Variants in PLEKHH2 observed in about 807,000 individuals in gnomAD.
The protein encoded by PLEKHH2 is pleckstrin homology, MyTH4 and FERM domain containing H2.
Under a neutral mutation model 187.9 loss-of-function variants are expected in PLEKHH2, and 129 were observed. That is an observed-to-expected ratio of 0.69 (90% CI 0.59 to 0.79). The LOEUF is 0.79. Among genes scored for constraint, PLEKHH2 ranks in the 30% least tolerant of loss-of-function variants. The pLI, the probability that PLEKHH2 is intolerant of heterozygous loss-of-function variation, is 0.00. For synonymous variants in PLEKHH2, 686 were observed against 605.6 expected (o/e 1.13, Z -1.95); for missense variants, 2,076 against 1,751.2 (o/e 1.19, Z -3.31).
chr2:43,742,811 G>A lies in PLEKHH2; in HGVS notation c.3292G>A (p.Glu1098Lys), dbSNP rs893617023. 6.2e-7 allele frequency: 1 copy of A among 1,607,040 alleles called. No individual in the cohort carries two copies. Among genetic ancestry groups the A allele is most frequent in the East Asian group, 2.3e-5 (1 of 44,290 alleles). Residue 1098 changes from glutamate (E) to lysine (K), a missense_variant, in exon 22 of 30, where the codon GAA becomes AAA. Physicochemically the swap from Glu to Lys is moderately conservative, Grantham distance 56. Transcript: ENST00000282406. The stretch of plus-strand genomic sequence containing the variant: ...AAGAACGCAACAAAATGGTGACAGA[G>A]AAGCAAGACCCTCAAGGATGGAAAT... The part of the protein sequence containing the change: ...VERTQQNGDR[E>K]ARPSRMEILS...
chr2:43,679,615 T>A (rs1382302668), intron 3 of PLEKHH2: 4 of 269,580 alleles, frequency 1.5e-5, no homozygotes, highest in Non-Finnish European at 2.9e-5. Flanking sequence ...CCTGCCTCAA[T>A]CTCCTGAATA....
Position 43,680,978 on chromosome 2 carries a change from G to A in PLEKHH2, c.186+2053G>A, listed in dbSNP as rs117853667. 3.1e-4 allele frequency: 359 copies of A among 1,149,390 alleles called. 5 individuals are homozygous for A. The East Asian group carries it at 7.2e-3, about 23-fold the overall frequency. The allele number at this position is 1,149,390 out of a possible 1,614,324, so 71.2% of individuals were successfully genotyped here. A position where few individuals can be genotyped will look rare whatever the true frequency, so the allele number is the denominator to read the frequency against. ...TACATACACTGGATTTCTAGTTTCC[G>A]TTACTGTTGTTCATATGCCAACTGG... On this transcript the variant is annotated intron_variant, in intron 3 of 29. Transcript: ENST00000282406.
chr2:43,697,581 T>A (rs2104478162), intron 7 of PLEKHH2, among the ~76,000 whole-genome samples: 1 of 152,316 alleles, frequency 6.6e-6, no homozygotes, highest in South Asian at 2.1e-4. Flanking sequence ...CTTCGTAATA[T>A]ATTTTTCCTG....
chr2:43,677,908 GCGGC>G (rs2104422137), intron 2 of PLEKHH2, among the ~76,000 whole-genome samples: 1 of 43,538 alleles, frequency 2.3e-5, no homozygotes, highest in African/African-American at 9.1e-5. Flanking sequence ...CCAGGACGGG[GCGGC>G]TGGCCGGGCG....
chr2:43,649,935 G>A (rs2888878), intron 2 of PLEKHH2, among the ~76,000 whole-genome samples: 97,457 of 151,948 alleles, frequency 0.64, 32,259 homozygotes, highest in African/African-American at 0.77. Flanking sequence ...GAGAGGCTCT[G>A]TAAGTATACA....
At chr2:43,641,861 A>T (rs1183640573) in intron 1 of PLEKHH2, among the ~76,000 whole-genome samples, 1 of 152,198 alleles carries the variant, frequency 6.6e-6, no homozygotes, top group Non-Finnish European at 1.5e-5. Flanking sequence ...TTATGCAAGT[A>T]CCACACTGTG....
intron 24 of PLEKHH2, among the ~76,000 whole-genome samples, chr2:43,749,539 G>C (rs1671924110): frequency 1.3e-5 from 2 of 152,242 alleles, no homozygotes; most frequent in South Asian, 4.1e-4. Flanking sequence ...TTTTAAAAGA[G>C]AGAATTGTGA....
At chr2:43,735,532 T>C (rs1351456146) in intron 19 of PLEKHH2, among the ~76,000 whole-genome samples, 1 of 152,172 alleles carries the variant, frequency 6.6e-6, no homozygotes, top group African/African-American at 2.4e-5. Context: ...CAACTATAGC[T>C]GACAAGGACT....
rs961755743 is a variant in PLEKHH2 at position 43,637,356 on chromosome 2, G to A, written c.-27G>A. ...GCCGGGACATCGGGCGCTGCGGCCG[G>A]GGACCCGCTGCTGAGATAGACAGGT... is the stretch of plus-strand genomic sequence containing the variant. On this transcript the variant is annotated 5_prime_UTR_variant, in exon 1 of 30. Transcript: ENST00000282406. 10 of 152,424 alleles carry A rather than the reference G, an allele frequency of 6.6e-5. No individual in the cohort carries two copies. Among genetic ancestry groups the A allele is most frequent in the Admixed American group, 2.6e-4 (4 of 15,286 alleles). The allele number at this position is 152,424 out of a possible 1,614,324, so 9.4% of individuals were successfully genotyped here. A position where few individuals can be genotyped will look rare whatever the true frequency, so the allele number is the denominator to read the frequency against.
intron 1 of PLEKHH2, among the ~76,000 whole-genome samples, chr2:43,643,602 A>G (rs986146431): frequency 6.6e-6 from 1 of 152,072 alleles, no homozygotes; most frequent in Non-Finnish European, 1.5e-5. Context: ...TTTAGAAAAC[A>G]AAAGAATAGA....
chr2:43,694,496 A>C lies in PLEKHH2; in HGVS notation c.402A>C (p.Val134=), dbSNP rs1384540356. The change falls in exon 5 of 30, where the codon GTA becomes GTC. Residue 134 remains valine, a synonymous_variant. Coordinates refer to ENST00000282406, the MANE Select transcript of PLEKHH2 (RefSeq NM_172069.4). ...AAGCAGCTAAGATAAAAGAATGGGT[A>C]ACAGTTAAGTTAAATGAGGTATTTA... ...EEKAAKIKEW[V]TVKLNELELE... 1 of 1,559,514 alleles carries C rather than the reference A, an allele frequency of 6.4e-7. No homozygotes were observed. Among genetic ancestry groups the C allele is most frequent in the African/African-American group, 1.4e-5 (1 of 73,374 alleles).
chr2:43,748,998 C>G (rs990596475), intron 24 of PLEKHH2, among the ~76,000 whole-genome samples: 1 of 152,222 alleles, frequency 6.6e-6, no homozygotes, highest in African/African-American at 2.4e-5. Context: ...CTCAGGTGAT[C>G]TGCCCGCCTC....
At chr2:43,725,318 T>C (rs1051903338) in intron 16 of PLEKHH2, among the ~76,000 whole-genome samples, 5 of 152,186 alleles carry the variant, frequency 3.3e-5, no homozygotes, top group Non-Finnish European at 4.4e-5. Context: ...TTTTAGCTTC[T>C]CTATCTTAGT....
At chr2:43,734,578 G>C (rs552980500) in intron 19 of PLEKHH2, among the ~76,000 whole-genome samples, 1 of 152,172 alleles carries the variant, frequency 6.6e-6, no homozygotes, top group Non-Finnish European at 1.5e-5. Flanking sequence ...TAAAATGGCT[G>C]TTATCGAAAA....
At chr2:43,670,490 C>T (rs558918786) in intron 2 of PLEKHH2, among the ~76,000 whole-genome samples, 9 of 152,190 alleles carry the variant, frequency 5.9e-5, no homozygotes, top group Non-Finnish European at 8.8e-5. Flanking sequence ...AAATTGATTG[C>T]ATATTTTAAA....
intron 3 of PLEKHH2, among the ~76,000 whole-genome samples, chr2:43,686,724 GATTA>G (rs1206213591): frequency 3.3e-5 from 5 of 152,162 alleles, no homozygotes; most frequent in African/African-American, 2.4e-5. Context: ...TGATTAGAAT[GATTA>G]ATTAATTTGC....
At chr2:43,760,448 C>T (rs907891930) in intron 27 of PLEKHH2, among the ~76,000 whole-genome samples, 17 of 151,092 alleles carry the variant, frequency 1.1e-4, no homozygotes, top group African/African-American at 3.9e-4. Context: ...CTGCAACCTC[C>T]GCCTCCCAGG....
intron 2 of PLEKHH2, among the ~76,000 whole-genome samples, chr2:43,673,025 T>A (rs1364728185): frequency 6.6e-6 from 1 of 152,218 alleles, no homozygotes; most frequent in Non-Finnish European, 1.5e-5. Context: ...TTACACTTAT[T>A]TTTAAATATG....
chr2:43,644,165 C>G (rs959106082), intron 1 of PLEKHH2, among the ~76,000 whole-genome samples: 1 of 152,044 alleles, frequency 6.6e-6, no homozygotes, highest in Non-Finnish European at 1.5e-5. Context: ...AAATCCAAAC[C>G]GTGAATTGTA....
Sources: gnomAD v4.1 joint callset for allele counts (sites outside exome capture counted in the v4.1 genomes callset) on GRCh38, gnomAD v4.1.1 for gene constraint, MANE v1.5 for transcripts, NCBI Gene and HGNC (gene_info 2026-07-23, HGNC 2026-07-21) for gene names.